Variants in KCNB2 observed in about 807,000 individuals in gnomAD.
KCNB2 encodes the protein potassium voltage-gated channel subfamily B member 2, also known as delayed rectifier potassium channel protein.
KCNB2 carries 15 observed loss-of-function variants against 61.5 expected under a neutral mutation model. That is an observed-to-expected ratio of 0.24 (90% CI 0.16 to 0.38). The LOEUF is 0.38. Ranked by LOEUF, KCNB2 falls within the 10% of genes least tolerant of loss-of-function variation. The pLI, the probability that KCNB2 is intolerant of heterozygous loss-of-function variation, is 1.00. For missense variants in KCNB2, 828 were observed against 1,125.2 expected, an observed-to-expected ratio of 0.74 and a Z score of 3.78; for synonymous variants, 457 against 446.0, an observed-to-expected ratio of 1.02 and a Z score of -0.31.
chr8:72,786,588 T>C (rs1563384904), intron 2 of KCNB2, among the ~76,000 whole-genome samples: 1 of 152,188 alleles, frequency 6.6e-6, no homozygotes, highest in African/African-American at 2.4e-5. Flanking sequence ...GGTTCAGCTC[T>C]GAGGCTGTGA....
At chr8:72,603,130 A>T (rs1805382774) in intron 2 of KCNB2, among the ~76,000 whole-genome samples, 1 of 151,984 alleles carries the variant, frequency 6.6e-6, no homozygotes, top group Non-Finnish European at 1.5e-5. Flanking sequence ...CATCCTCTCC[A>T]CTACTGCCAA....
At chr8:72,637,111 TG>T (rs1737702795) in intron 2 of KCNB2, among the ~76,000 whole-genome samples, 1 of 152,148 alleles carries the variant, frequency 6.6e-6, no homozygotes, top group South Asian at 2.1e-4. Flanking sequence ...TCATAGGTTT[TG>T]GAGGCTAAAG....
chr8:72,838,931 C>T (rs66813091), intron 2 of KCNB2, among the ~76,000 whole-genome samples: 30,260 of 152,030 alleles, frequency 0.2, 3,759 homozygotes, highest in Non-Finnish European at 0.28. Context: ...AATTTCTTTT[C>T]TAAAATAACA....
intron 2 of KCNB2, among the ~76,000 whole-genome samples, chr8:72,717,406 C>G (rs34304924): frequency 6.6e-6 from 1 of 152,064 alleles, no homozygotes; most frequent in Non-Finnish European, 1.5e-5. Context: ...TACCTGACTT[C>G]AAACTATACT....
intron 2 of KCNB2, among the ~76,000 whole-genome samples, chr8:72,734,247 C>T (rs1190737723): frequency 1.3e-5 from 2 of 152,308 alleles, no homozygotes; most frequent in Non-Finnish European, 2.9e-5. Flanking sequence ...TCAACCTGTA[C>T]AGGCAGCTTT....
intron 2 of KCNB2, among the ~76,000 whole-genome samples, chr8:72,715,519 G>A (rs1453857645): frequency 2.2e-4 from 34 of 152,172 alleles, no homozygotes; most frequent in African/African-American, 3.9e-4. Flanking sequence ...ACTCAAAACC[G>A]CTCAACTACA....
At position 72,936,220 on chromosome 8, in the gene KCNB2, A is replaced by G. The variant is rs1453113406; in HGVS notation, c.865A>G (p.Ser289Gly). The G allele has an allele frequency of 1.2e-6, 2 of 1,614,208 alleles. No individual in the cohort carries two copies. Reference sequence around the variant, plus strand: ...CATTTTTCTGACGGAGTCCAACAAGAGCGTGCTGCAGTTCCAAAACGTGAG... The same window carrying G: ...CATTTTTCTGACGGAGTCCAACAAGGGCGTGCTGCAGTTCCAAAACGTGAG... ...VTIFLTESNK[S>G]VLQFQNVRRV... Residue 289 changes from serine (S) to glycine (G), a missense_variant, in exon 3 of 3, where the codon AGC becomes GGC. Around this residue, in one of 4 missense-constraint regions of KCNB2, gnomAD observed 163 missense variants for 314.4 expected, o/e 0.52. Transcript: ENST00000523207. This position sits in a 1 kb window ranked among gnomAD's most constrained non-coding sequence, Gnocchi z 5.6.
intron 2 of KCNB2, among the ~76,000 whole-genome samples, chr8:72,825,447 G>C (rs1207177576): frequency 6.6e-6 from 1 of 152,180 alleles, no homozygotes; most frequent in Non-Finnish European, 1.5e-5. Context: ...GTAGTTCTAT[G>C]TTTGATTATT....
intron 2 of KCNB2, among the ~76,000 whole-genome samples, chr8:72,578,761 T>C (rs901153063): frequency 2.0e-5 from 3 of 152,232 alleles, no homozygotes; most frequent in African/African-American, 7.2e-5. Flanking sequence ...GAAATAAATA[T>C]TATAATTGAA....
chr8:72,914,848 A>G (rs1806361880), intron 2 of KCNB2, among the ~76,000 whole-genome samples: 1 of 152,060 alleles, frequency 6.6e-6, no homozygotes, highest in African/African-American at 2.4e-5. Flanking sequence ...AATCAGACAT[A>G]TCCTGACGAT....
intron 2 of KCNB2, among the ~76,000 whole-genome samples, chr8:72,737,031 A>ATT (rs200736806): frequency 0.025 from 3,654 of 143,508 alleles, 60 homozygotes; most frequent in South Asian, 0.077. Flanking sequence ...TGTAGTTGCT[A>ATT]TTTTTTTTTT....
chr8:72,851,845 A>AAAAAAAAAAAAAAAAAAAAAAC (rs1563404693), intron 2 of KCNB2, among the ~76,000 whole-genome samples: 8 of 148,026 alleles, frequency 5.4e-5, no homozygotes, highest in African/African-American at 1.5e-4. Context: ...AAAAAAAAAA[A>AAAAAAAAAAAAAAAAAAAAAAC]AAACACGTAC....
At chr8:72,882,538 A>AGAGAGAGAGAGAGC (rs1554541256) in intron 2 of KCNB2, among the ~76,000 whole-genome samples, 14 of 150,906 alleles carry the variant, frequency 9.3e-5, no homozygotes, top group African/African-American at 3.4e-4. Flanking sequence ...AGAGAGAGAG[A>AGAGAGAGAGAGAGC]GAGAGAGAGA....
chr8:72,794,302 C>T (rs1808991630), intron 2 of KCNB2, among the ~76,000 whole-genome samples: 1 of 152,116 alleles, frequency 6.6e-6, no homozygotes, highest in South Asian at 2.1e-4. Flanking sequence ...CACGGTGGCT[C>T]ACGCCTGTAA....
At chr8:72,638,678 C>T (rs917906368) in intron 2 of KCNB2, among the ~76,000 whole-genome samples, 5 of 152,142 alleles carry the variant, frequency 3.3e-5, no homozygotes, top group African/African-American at 7.2e-5. Context: ...AATCCAGTCT[C>T]AATCAAGTCC....
chr8:72,912,303 G>C (rs546418862), intron 2 of KCNB2, among the ~76,000 whole-genome samples: 1 of 151,878 alleles, frequency 6.6e-6, no homozygotes, highest in Non-Finnish European at 1.5e-5. Context: ...GATGACTGGC[G>C]GCTCTCCACT....
chr8:72,573,373 T>G (rs1806744467), intron 2 of KCNB2, among the ~76,000 whole-genome samples: 1 of 152,226 alleles, frequency 6.6e-6, no homozygotes, highest in Non-Finnish European at 1.5e-5. Flanking sequence ...TCCAGCCAAG[T>G]GAACAGCTTG....
chr8:72,665,397 G>A (rs1342341859), intron 2 of KCNB2, among the ~76,000 whole-genome samples: 1 of 152,158 alleles, frequency 6.6e-6, no homozygotes, highest in Admixed American at 6.5e-5. Context: ...GTCGGATGGG[G>A]AGGAAAGAAC....
chr8:72,859,042 T>A (rs1006470656), intron 2 of KCNB2, among the ~76,000 whole-genome samples: 1 of 152,202 alleles, frequency 6.6e-6, no homozygotes, highest in Non-Finnish European at 1.5e-5. Flanking sequence ...TCCTCATAGG[T>A]TGACCCTACG....
Sources: gnomAD v4.1 joint callset for allele counts (sites outside exome capture counted in the v4.1 genomes callset) on GRCh38, gnomAD v4.1.1 for gene constraint, gnomAD v4.1.1 regional missense constraint, Gnocchi (gnomAD v3.1) non-coding constraint, MANE v1.5 for transcripts, NCBI Gene and HGNC (gene_info 2026-07-23, HGNC 2026-07-21) for gene names.